Variants in PIK3R3 observed in about 807,000 individuals in gnomAD.
The protein encoded by PIK3R3 is phosphatidylinositol 3-kinase regulatory subunit gamma.
PIK3R3 carries 64 observed loss-of-function variants against 62.9 expected under a neutral mutation model. The ratio of observed to expected loss-of-function variants is 1.02; its 90% CI spans 0.83 to 1.25. The LOEUF (loss-of-function observed/expected upper bound fraction) is 1.25. Ranked by LOEUF, PIK3R3 falls within the 50% of genes most tolerant of loss-of-function variation. The probability of loss-of-function intolerance (pLI) is 0.00; values close to 1 mark genes in which losing one functional copy is unlikely to be tolerated. For synonymous variants in PIK3R3, 165 were observed against 189.0 expected (o/e 0.87, Z 1.04); for missense variants, 614 against 561.6 (o/e 1.09, Z -0.94).
rs559596709 is a variant in PIK3R3, at chr1:46,124,568, G to A, written c.106+7279C>T. On this transcript the variant is annotated intron_variant, in intron 1 of 9. Transcript: ENST00000262741. ...TCCCAGCACTTTGGGAGGCCGAGGC[G>A]GGAAGACCACCTGAGGTTGGGAGTT... Among the ~76,000 whole-genome samples the A allele has an allele frequency of 9.2e-5, 14 of 151,968 alleles. No homozygotes were observed. In the South Asian group the frequency reaches 2.1e-3, roughly 23 times the overall value.
chr1:46,132,571 C>A lies in PIK3R3; in HGVS notation c.-619G>T. ...GTCCAGTCAGCTCGGCTTGTCTGGG[C>A]GCTCCCGCCGGGGTGTAAGAACCAA... On this transcript the variant is annotated 5_prime_UTR_variant, in exon 1 of 10. Transcript: ENST00000262741. 2 of 1,283,490 alleles carry A rather than the reference C, an allele frequency of 1.6e-6. No homozygotes were observed. The highest frequency in any genetic ancestry group is 2.0e-6 in the Non-Finnish European group (2 of 985,576). 79.5% of individuals were successfully genotyped at this position (1,283,490 alleles called of 1,614,324 possible).
the PIK3R3 span, among the ~76,000 whole-genome samples, chr1:46,150,635 A>G: frequency 6.6e-6 from 1 of 152,120 alleles, no homozygotes; most frequent in Admixed American, 6.5e-5. Flanking sequence ...TACTTTTTGA[A>G]TTTTGGGGAA....
At chr1:46,113,878 T>C (rs911499748) in intron 1 of PIK3R3, among the ~76,000 whole-genome samples, 5 of 152,134 alleles carry the variant, frequency 3.3e-5, no homozygotes. Flanking sequence ...CACTAAACGA[T>C]AATAAGTATG....
At chr1:46,045,521 C>A (rs1647085611) in intron 9 of PIK3R3, among the ~76,000 whole-genome samples, 1 of 149,846 alleles carries the variant, frequency 6.7e-6, no homozygotes. Flanking sequence ...TAGAGTTTTC[C>A]TTCTGAAGTA....
chr1:46,125,976 G>A (rs561265938), intron 1 of PIK3R3, among the ~76,000 whole-genome samples: 9 of 152,078 alleles, frequency 5.9e-5, no homozygotes, highest in Admixed American at 2.6e-4. Context: ...TAGCCAGGAT[G>A]GTCTCGATCT....
intron 3 of PIK3R3, among the ~76,000 whole-genome samples, chr1:46,069,993 C>G (rs574631834): frequency 1.3e-5 from 2 of 152,070 alleles, no homozygotes; most frequent in Non-Finnish European, 2.9e-5. Flanking sequence ...AAGGATAGAA[C>G]CCTGACTGGA....
the PIK3R3 span, among the ~76,000 whole-genome samples, chr1:46,171,186 G>A: frequency 1.3e-5 from 2 of 152,148 alleles, no homozygotes; most frequent in African/African-American, 4.8e-5. Flanking sequence ...GAGGCTCAGG[G>A]GTTGGGATAG....
chr1:46,051,040 A>C (rs1191892869), intron 7 of PIK3R3, among the ~76,000 whole-genome samples: 5 of 152,254 alleles, frequency 3.3e-5, no homozygotes, highest in African/African-American at 1.2e-4. Context: ...GTTTAGGGCT[A>C]AATGAAAGAG....
At chr1:46,105,297 C>A (rs1259849115) in intron 1 of PIK3R3, 2 of 245,014 alleles carry the variant, frequency 8.2e-6, no homozygotes, top group Non-Finnish European at 1.6e-5. Context: ...AGGTCAAGTT[C>A]GAGACCAACC....
chr1:46,152,560 C>CTTTT, the PIK3R3 span, among the ~76,000 whole-genome samples: 8 of 124,496 alleles, frequency 6.4e-5, no homozygotes, highest in Non-Finnish European at 8.2e-5. Context: ...TGATTAACAT[C>CTTTT]TTTTTTTTTT....
At chr1:46,096,947 C>T (rs1262493962) in intron 1 of PIK3R3, among the ~76,000 whole-genome samples, 1 of 151,084 alleles carries the variant, frequency 6.6e-6, no homozygotes, top group African/African-American at 2.4e-5. Flanking sequence ...TTCTGTGAGG[C>T]CAGTCTTCCC....
In PIK3R3 at chr1:46,042,714, C is replaced by G. The variant is rs895717128; in HGVS notation, c.*959G>C. Reference sequence around the variant, plus strand: ...CACTGCATTGCACCTTTTCTTTACTCATACAAACAAGTTACAAAGGTTTCA... The same window carrying G: ...CACTGCATTGCACCTTTTCTTTACTGATACAAACAAGTTACAAAGGTTTCA... On this transcript the variant is annotated 3_prime_UTR_variant, in exon 10 of 10. Coordinates refer to ENST00000262741, the MANE Select transcript of PIK3R3 (RefSeq NM_003629.4). The surrounding 1 kb of genome is among the most constrained non-coding windows in gnomAD (Gnocchi z 4.3). The G allele has an allele frequency of 3.3e-5, 7 of 210,036 alleles. No individual in the cohort carries two copies. Among genetic ancestry groups the G allele is most frequent in the African/African-American group, 1.6e-4 (7 of 44,002 alleles). 13.0% of individuals were successfully genotyped at this position (210,036 alleles called of 1,614,324 possible). A position where few individuals can be genotyped will look rare whatever the true frequency, so the allele number is the denominator to read the frequency against.
intron 1 of PIK3R3, among the ~76,000 whole-genome samples, chr1:46,125,906 G>A (rs1006516331): frequency 2.6e-5 from 4 of 151,934 alleles, no homozygotes; most frequent in East Asian, 1.9e-4. Context: ...GACTACAGGC[G>A]CCCGCCACCA....
the PIK3R3 span, among the ~76,000 whole-genome samples, chr1:46,141,184 AG>A: frequency 1.1e-4 from 16 of 150,502 alleles, no homozygotes; most frequent in African/African-American, 3.9e-4. Flanking sequence ...TAAGCTACCC[AG>A]TTTGTGGTAA....
At chr1:46,167,800 T>C in the PIK3R3 span, among the ~76,000 whole-genome samples, 1 of 152,376 alleles carries the variant, frequency 6.6e-6, no homozygotes, top group African/African-American at 2.4e-5. Context: ...TGTTTCTCAA[T>C]CAAGAAAGTT....
At chr1:46,085,442 C>T (rs1234333471) in intron 1 of PIK3R3, among the ~76,000 whole-genome samples, 2 of 152,142 alleles carry the variant, frequency 1.3e-5, no homozygotes, top group Admixed American at 1.3e-4. Flanking sequence ...TCAAATGTAG[C>T]TCTATCAAAC....
chr1:46,078,749 T>A (rs1243979897), intron 2 of PIK3R3, among the ~76,000 whole-genome samples: 1 of 152,050 alleles, frequency 6.6e-6, no homozygotes, highest in Non-Finnish European at 1.5e-5. Context: ...AATGTCCAGA[T>A]GAATGGATTA....
At chr1:46,154,003 G>A in the PIK3R3 span, among the ~76,000 whole-genome samples, 4 of 152,226 alleles carry the variant, frequency 2.6e-5, no homozygotes, top group Non-Finnish European at 4.4e-5. Flanking sequence ...ATAAGCGAAA[G>A]TGAGAGTAAA....
intron 3 of PIK3R3, among the ~76,000 whole-genome samples, chr1:46,073,930 G>A (rs1336297132): frequency 6.7e-6 from 1 of 149,594 alleles, no homozygotes; most frequent in Non-Finnish European, 1.5e-5. Context: ...CACCATGACC[G>A]GCCAACTGTT....
Sources: allele counts gnomAD v4.1 joint callset (sites outside exome capture counted in the v4.1 genomes callset), GRCh38; gene constraint gnomAD v4.1.1; non-coding constraint Gnocchi (gnomAD v3.1); transcripts MANE v1.5; gene names NCBI Gene and HGNC (gene_info 2026-07-23, HGNC 2026-07-21).